The following SOCS7 variants were observed in gnomAD, a reference collection of about 807,000 sequenced individuals.
SOCS7 encodes the protein suppressor of cytokine signaling 7.
In SOCS7, 18 loss-of-function variants were observed where a neutral mutation model predicts 58.9. The ratio of observed to expected loss-of-function variants is 0.31; its 90% CI spans 0.21 to 0.45. The LOEUF (loss-of-function observed/expected upper bound fraction) is 0.45. SOCS7 is among the 20% of genes least tolerant of loss of function. The probability of loss-of-function intolerance (pLI) is 1.00; values close to 1 mark genes in which losing one functional copy is unlikely to be tolerated. For missense variants in SOCS7, 667 were observed against 837.3 expected, an observed-to-expected ratio of 0.80 and a Z score of 2.51; for synonymous variants, 388 against 364.3, an observed-to-expected ratio of 1.06 and a Z score of -0.74.
At chr17:38,392,670 C>G (rs1162870077) in intron 7 of SOCS7, among the ~76,000 whole-genome samples, 2 of 152,090 alleles carry the variant, frequency 1.3e-5, no homozygotes, top group Admixed American at 1.3e-4. Flanking sequence ...AAATACAAGA[C>G]TTAGTTTTGA....
intron 9 of SOCS7, among the ~76,000 whole-genome samples, chr17:38,398,594 G>A (rs1047770766): frequency 6.6e-6 from 1 of 152,100 alleles, no homozygotes; most frequent in Non-Finnish European, 1.5e-5. Flanking sequence ...ACTTCTTGTT[G>A]TTCAGGCTGA....
intron 6 of SOCS7, among the ~76,000 whole-genome samples, chr17:38,369,415 C>G (rs2037832427): frequency 6.6e-6 from 1 of 152,152 alleles, no homozygotes; most frequent in Non-Finnish European, 1.5e-5. Flanking sequence ...GAGAAAGGAA[C>G]TTCAATCCAA....
At chr17:38,379,414 G>A (rs1425015973) in intron 7 of SOCS7, among the ~76,000 whole-genome samples, 1 of 152,104 alleles carries the variant, frequency 6.6e-6, no homozygotes, top group Non-Finnish European at 1.5e-5. Flanking sequence ...AGGAAGCGGA[G>A]GTTGCAGTGA....
chr17:38,353,779 A>G (rs2037595214), intron 1 of SOCS7, among the ~76,000 whole-genome samples: 2 of 152,136 alleles, frequency 1.3e-5, no homozygotes, highest in South Asian at 4.1e-4. Flanking sequence ...TCTCTACGAA[A>G]AAAATACAAA....
intron 7 of SOCS7, among the ~76,000 whole-genome samples, chr17:38,383,521 A>T (rs2038029551): frequency 6.6e-6 from 1 of 152,060 alleles, no homozygotes; most frequent in South Asian, 2.1e-4. Flanking sequence ...TACCTGTCTG[A>T]TTGCCAGGTC....
At chr17:38,381,079 G>T (rs559385383) in intron 7 of SOCS7, among the ~76,000 whole-genome samples, 6 of 152,208 alleles carry the variant, frequency 3.9e-5, no homozygotes, top group Non-Finnish European at 5.9e-5. Context: ...TAATCAGATT[G>T]AAAGTTTGCT....
At chr17:38,370,651 A>ATTT (rs1357286573) in intron 6 of SOCS7, among the ~76,000 whole-genome samples, 1 of 140,540 alleles carries the variant, frequency 7.1e-6, no homozygotes, top group Non-Finnish European at 1.6e-5. Flanking sequence ...TATAACCGGA[A>ATTT]TTTTTTTTTT....
chr17:38,359,169 TCAGCA>T (rs1302674325), intron 1 of SOCS7, among the ~76,000 whole-genome samples: 2 of 152,256 alleles, frequency 1.3e-5, no homozygotes, highest in African/African-American at 4.8e-5. Context: ...TGGAAGCTCT[TCAGCA>T]GTCCTAAAGT....
At chr17:38,367,146 A>C (rs182029681) in intron 5 of SOCS7, among the ~76,000 whole-genome samples, 151,441 of 152,266 alleles carry the variant, frequency 0.99, 75,320 homozygotes, top group Middle Eastern at 1. Flanking sequence ...CTTACTGAAA[A>C]CTCCGCCTCC....
chr17:38,363,080 C>T (rs1011659990), intron 2 of SOCS7, among the ~76,000 whole-genome samples: 7 of 152,020 alleles, frequency 4.6e-5, no homozygotes, highest in Non-Finnish European at 8.8e-5. Flanking sequence ...TGCCACTGCA[C>T]TCCAGCCTGA....
intron 1 of SOCS7, among the ~76,000 whole-genome samples, chr17:38,354,488 C>T (rs1478089573): frequency 7.2e-6 from 1 of 138,004 alleles, no homozygotes; most frequent in African/African-American, 2.6e-5. Flanking sequence ...TTCTGAACAG[C>T]TGTGCCATGG....
intron 1 of SOCS7, among the ~76,000 whole-genome samples, chr17:38,359,512 A>G (rs1201978041): frequency 2.0e-5 from 3 of 152,204 alleles, no homozygotes; most frequent in Non-Finnish European, 4.4e-5. Flanking sequence ...ATCAGTGTTA[A>G]AACATAAATG....
At chr17:38,399,395 C>T (rs893304963) in intron 9 of SOCS7, 118 bp from the exon 10 acceptor site, 50 of 152,410 alleles carry the variant, frequency 3.3e-4, no homozygotes, top group African/African-American at 1.2e-3. Context: ...GTTCAGCTCT[C>T]CAGGCTCCGT....
At chr17:38,391,644 T>C (rs2038174376) in intron 7 of SOCS7, among the ~76,000 whole-genome samples, 1 of 152,048 alleles carries the variant, frequency 6.6e-6, no homozygotes, top group Non-Finnish European at 1.5e-5. Context: ...CAAGCAGTCC[T>C]CCCACCTCAG....
rs144615695 is a variant in SOCS7 at position 38,371,470 on chromosome 17, A to G, written c.1552+3420A>G. On this transcript the variant is annotated intron_variant, in intron 6 of 9. Transcript: ENST00000612932. The stretch of plus-strand genomic sequence containing the variant: ...TTTTTAGTAGAGACGGGGTTTCACC[A>G]TGTTGGCCAGGTTGGCCTTGAACTC... Among the ~76,000 whole-genome samples, 877 of 151,744 alleles carry G rather than the reference A, an allele frequency of 5.8e-3. 9 individuals carry two copies. The highest frequency in any genetic ancestry group is 0.02 in the African/African-American group (832 of 41,332).
intron 9 of SOCS7, among the ~76,000 whole-genome samples, chr17:38,398,889 G>A (rs1056075752): frequency 2.0e-5 from 3 of 152,124 alleles, no homozygotes; most frequent in East Asian, 2.0e-4. Flanking sequence ...TCAGGAGTTT[G>A]AGACCAGCCT....
chr17:38,387,117 ATATATATATATGTATG>A (rs1274280924), intron 7 of SOCS7, among the ~76,000 whole-genome samples: 8 of 105,628 alleles, frequency 7.6e-5, no homozygotes, highest in African/African-American at 3.3e-4. Context: ...ATATATATAT[ATATATATATATGTATG>A]TATATATATA....
At chr17:38,379,057 C>A (rs866038827) in intron 7 of SOCS7, among the ~76,000 whole-genome samples, 1 of 150,888 alleles carries the variant, frequency 6.6e-6, no homozygotes, top group Non-Finnish European at 1.5e-5. Context: ...ACTTGGGAGG[C>A]TGAGGTGGGA....
At chr17:38,367,160 G>A (rs1439339210) in intron 5 of SOCS7, among the ~76,000 whole-genome samples, 3 of 152,082 alleles carry the variant, frequency 2.0e-5, no homozygotes, top group Non-Finnish European at 4.4e-5. Flanking sequence ...CGCCTCCTGG[G>A]TTCAAGCAAT....
Sources: gnomAD v4.1 joint callset for allele counts (sites outside exome capture counted in the v4.1 genomes callset) on GRCh38, gnomAD v4.1.1 for gene constraint, MANE v1.5 for transcripts, NCBI Gene and HGNC (gene_info 2026-07-23, HGNC 2026-07-21) for gene names.